The following RC3H1 variants were observed in gnomAD, a reference collection of about 807,000 sequenced individuals.
RC3H1 encodes ring finger and CCCH-type domains 1, also known as roquin-1.
In RC3H1, 50 loss-of-function variants were observed where a neutral mutation model predicts 138.2. The ratio of observed to expected loss-of-function variants is 0.36; its 90% CI spans 0.29 to 0.46. The LOEUF is 0.46. Ranked by LOEUF, RC3H1 falls within the 20% of genes least tolerant of loss-of-function variation. RC3H1 has a pLI of 1.00. For synonymous variants in RC3H1, 462 were observed against 489.1 expected (o/e 0.94, Z 0.73); for missense variants, 1,031 against 1,388.1 (o/e 0.74, Z 4.09).
intron 13 of RC3H1, among the ~76,000 whole-genome samples, chr1:173,957,609 G>T (rs1338601684): frequency 6.6e-6 from 1 of 152,130 alleles, no homozygotes; most frequent in Non-Finnish European, 1.5e-5. Context: ...GAGTGCAGTA[G>T]CACAATCATA....
intron 7 of RC3H1, among the ~76,000 whole-genome samples, chr1:173,975,050 TC>T (rs2102983793): frequency 6.6e-6 from 1 of 152,210 alleles, no homozygotes; most frequent in East Asian, 1.9e-4. Flanking sequence ...TTAGATAGAT[TC>T]AGTTTGAAAT....
At chr1:173,975,424 A>G (rs1660532271) in intron 7 of RC3H1, among the ~76,000 whole-genome samples, 1 of 152,180 alleles carries the variant, frequency 6.6e-6, no homozygotes, top group South Asian at 2.1e-4. Flanking sequence ...AAGTTCAGGA[A>G]AAAGGCATGG....
intron 18 of RC3H1, among the ~76,000 whole-genome samples, chr1:173,942,370 T>A (rs573465497): frequency 1.4e-5 from 2 of 138,702 alleles, no homozygotes; most frequent in South Asian, 4.5e-4. Context: ...GAGGCGGAGG[T>A]TGCAGTGAGC....
intron 6 of RC3H1, among the ~76,000 whole-genome samples, chr1:173,980,151 T>G (rs1472856116): frequency 4.0e-5 from 6 of 150,564 alleles, no homozygotes; most frequent in Non-Finnish European, 8.8e-5. Flanking sequence ...GTGCTGAGAT[T>G]ACAGGCATCA....
intron 17 of RC3H1, among the ~76,000 whole-genome samples, chr1:173,944,964 A>AT: frequency 6.6e-6 from 1 of 152,122 alleles, no homozygotes; most frequent in Non-Finnish European, 1.5e-5. Context: ...AAGACAGACT[A>AT]ATGTTCTAAC....
intron 1 of RC3H1, among the ~76,000 whole-genome samples, chr1:174,003,047 T>C (rs1661588289): frequency 6.6e-6 from 1 of 152,182 alleles, no homozygotes; most frequent in Non-Finnish European, 1.5e-5. Flanking sequence ...CCAAACCTTT[T>C]GTTCTCTTTG....
Position 173,935,106 on chromosome 1 carries a change from T to A in RC3H1, c.*3615A>T, listed in dbSNP as rs1035592109. On this transcript the variant is annotated 3_prime_UTR_variant, in exon 20 of 20. Transcript: ENST00000367696. ...AATGTCTTATCAATATCTAGAATAC[T>A]ACTACTAGAAATCTAGCTAACTCTT... The A allele has an allele frequency of 2.0e-5, 3 of 152,222 alleles. No individual in the cohort carries two copies. The highest frequency in any genetic ancestry group is 4.4e-5 in the Non-Finnish European group (3 of 68,030). 9.4% of individuals were successfully genotyped at this position (152,222 alleles called of 1,614,324 possible). A position where few individuals can be genotyped will look rare whatever the true frequency, so the allele number is the denominator to read the frequency against.
Position 173,946,786 on chromosome 1 carries a change from G to T in RC3H1, c.2788C>A (p.Pro930Thr), listed in dbSNP as rs1413789936. 1 of 1,613,906 alleles carries T rather than the reference G, an allele frequency of 6.2e-7. No homozygotes were observed. Among genetic ancestry groups the T allele is most frequent in the Non-Finnish European group, 8.5e-7 (1 of 1,179,792 alleles). The change falls in exon 16 of 20, where the codon CCT (proline) becomes ACT (threonine). Residue 930 changes from proline to threonine, a missense_variant. Around this residue, in one of 7 missense-constraint regions of RC3H1, gnomAD observed 716 missense variants for 837.9 expected, o/e 0.85. Coordinates refer to ENST00000367696, the MANE Select transcript of RC3H1 (RefSeq NM_172071.4). ...HGGWGASPYS[P>T]HQNIPSQGHF... is the part of the protein sequence containing the mutation. Reference sequence around the variant, plus strand: ...CCCTGAGAAGGTATGTTTTGATGAGGTGAATATGGAGAAGCTCCCCAGCCA... The same window carrying T: ...CCCTGAGAAGGTATGTTTTGATGAGTTGAATATGGAGAAGCTCCCCAGCCA...
intron 18 of RC3H1, 140 bp from the exon 19 acceptor site, chr1:173,941,520 A>G (rs1330389396): frequency 1.7e-6 from 1 of 596,316 alleles, no homozygotes. Context: ...TGGCAGACTA[A>G]AAGAGTGACA....
At chr1:173,945,036 A>G (rs923734469) in intron 17 of RC3H1, among the ~76,000 whole-genome samples, 1 of 152,166 alleles carries the variant, frequency 6.6e-6, no homozygotes, top group Admixed American at 6.5e-5. Flanking sequence ...TCAGTTTTCC[A>G]TATTCAAAGA....
chr1:173,943,179 A>C (rs1283372536), intron 18 of RC3H1, among the ~76,000 whole-genome samples: 1 of 152,214 alleles, frequency 6.6e-6, no homozygotes, highest in East Asian at 1.9e-4. Flanking sequence ...GACTTCCATT[A>C]AGTTCTTAAA....
At chr1:173,994,370 C>T (rs1300809698) in intron 1 of RC3H1, among the ~76,000 whole-genome samples, 10 of 151,936 alleles carry the variant, frequency 6.6e-5, no homozygotes, top group African/African-American at 2.2e-4. Flanking sequence ...CCTGCCTGGG[C>T]GACACAGTGA....
At chr1:173,981,625 A>G (rs1422259404) in intron 5 of RC3H1, among the ~76,000 whole-genome samples, 2 of 152,176 alleles carry the variant, frequency 1.3e-5, no homozygotes, top group Non-Finnish European at 2.9e-5. Flanking sequence ...TTGCCTGACA[A>G]TGAGCTAGGT....
At chr1:174,013,437 T>C (rs1249831530) in intron 1 of RC3H1, among the ~76,000 whole-genome samples, 1 of 151,456 alleles carries the variant, frequency 6.6e-6, no homozygotes, top group South Asian at 2.1e-4. Flanking sequence ...GGAATATTAT[T>C]ATTATTATAT....
chr1:173,941,753 G>A (rs1040994978), intron 18 of RC3H1, among the ~76,000 whole-genome samples: 4 of 152,100 alleles, frequency 2.6e-5, no homozygotes, highest in African/African-American at 7.2e-5. Context: ...CCAACATGGC[G>A]AAACCCCGTC....
At position 174,022,225 on chromosome 1, in the gene RC3H1, GCCGCCGCCA is replaced by G; in HGVS notation, c.-289_-281del. 1 of 393,248 alleles carries G rather than the reference GCCGCCGCCA, an allele frequency of 2.5e-6. No homozygotes were observed. 24.4% of individuals were successfully genotyped at this position (393,248 alleles called of 1,614,324 possible). ...TGTCCCAGGCCGCCGGGCCACGGCT[GCCGCCGCCA>G]CCGCCAGCACCGCCTCCGGCCTCCC... On this transcript the variant is annotated 5_prime_UTR_variant, in exon 1 of 20. Coordinates refer to ENST00000367696, the MANE Select transcript of RC3H1 (RefSeq NM_172071.4). This position sits in a 1 kb window ranked among gnomAD's most constrained non-coding sequence, Gnocchi z 4.2.
chr1:173,989,392 G>A (rs1661166978), intron 2 of RC3H1, among the ~76,000 whole-genome samples: 2 of 152,086 alleles, frequency 1.3e-5, no homozygotes, highest in South Asian at 2.1e-4. Context: ...CTGTAGAGAT[G>A]GGGTTTTGCC....
chr1:173,998,261 T>C (rs1456548910), intron 1 of RC3H1, among the ~76,000 whole-genome samples: 2 of 152,180 alleles, frequency 1.3e-5, no homozygotes, highest in Admixed American at 6.6e-5. Context: ...AGTATTTCTA[T>C]TGGAACCTTC....
At chr1:173,943,421 T>A in intron 18 of RC3H1, 21 bp downstream of exon 18, 2 of 1,589,956 alleles carry the variant, frequency 1.3e-6, no homozygotes, top group Non-Finnish European at 1.7e-6. Context: ...CTTCCCTCTC[T>A]TTCCCCACCA....
Sources: allele counts gnomAD v4.1 joint callset (sites outside exome capture counted in the v4.1 genomes callset), GRCh38; gene constraint gnomAD v4.1.1; regional missense constraint gnomAD v4.1.1; non-coding constraint Gnocchi (gnomAD v3.1); transcripts MANE v1.5; gene names NCBI Gene and HGNC (gene_info 2026-07-23, HGNC 2026-07-21).